IQGAP1: variants seen among roughly 807,000 people sequenced by gnomAD.
IQGAP1 encodes IQ motif containing GTPase activating protein 1, also known as ras GTPase-activating-like protein IQGAP1.
IQGAP1 carries 66 observed loss-of-function variants against 215.6 expected under a neutral mutation model. That is an observed-to-expected ratio of 0.31 (90% CI 0.25 to 0.38). The LOEUF (loss-of-function observed/expected upper bound fraction) is 0.38. Among genes scored for constraint, IQGAP1 ranks in the 10% least tolerant of loss-of-function variants. IQGAP1 has a pLI of 1.00. For synonymous variants in IQGAP1, 772 were observed against 728.7 expected, an observed-to-expected ratio of 1.06 and a Z score of -0.96; for missense variants, 1,712 against 1,997.1, an observed-to-expected ratio of 0.86 and a Z score of 2.72.
At chr15:90,428,195 C>T (rs945954920) in intron 3 of IQGAP1, among the ~76,000 whole-genome samples, 1 of 152,062 alleles carries the variant, frequency 6.6e-6, no homozygotes, top group African/African-American at 2.4e-5. Context: ...ACCTCAGCCT[C>T]CCTAGTAGTT....
intron 7 of IQGAP1, among the ~76,000 whole-genome samples, chr15:90,441,048 A>C (rs1037389972): frequency 1.4e-4 from 22 of 152,072 alleles, no homozygotes; most frequent in Non-Finnish European, 2.8e-4. Context: ...CAGAGGTTGC[A>C]GTGAGCCGAG....
At chr15:90,447,795 G>A (rs775886177) in intron 9 of IQGAP1, among the ~76,000 whole-genome samples, 3 of 151,800 alleles carry the variant, frequency 2.0e-5, no homozygotes, top group Non-Finnish European at 2.9e-5. Flanking sequence ...TTCCTATGAC[G>A]GAAGGTATCT....
At chr15:90,476,587 C>A in intron 23 of IQGAP1, 76 bp from the exon 24 acceptor site, 2 of 1,160,604 alleles carry the variant, frequency 1.7e-6, no homozygotes, top group South Asian at 1.7e-5. Context: ...TTTGCACATG[C>A]TGCAAAACCT....
At chr15:90,448,002 A>G (rs1965548470) in intron 9 of IQGAP1, among the ~76,000 whole-genome samples, 1 of 152,174 alleles carries the variant, frequency 6.6e-6, no homozygotes, top group Non-Finnish European at 1.5e-5. Context: ...TTCAGGAAGT[A>G]TCAGGGTAAT....
chr15:90,399,912 T>G (rs1449908946), intron 2 of IQGAP1, among the ~76,000 whole-genome samples: 1 of 152,230 alleles, frequency 6.6e-6, no homozygotes, highest in Non-Finnish European at 1.5e-5. Context: ...TGAACCATAT[T>G]TCATTTTTTT....
At chr15:90,449,419 C>T in intron 10 of IQGAP1, 140 bp from the exon 11 acceptor site, 2 of 641,160 alleles carry the variant, frequency 3.1e-6, no homozygotes, top group Non-Finnish European at 2.5e-6. Flanking sequence ...GGGCTGCCAC[C>T]TTGGCTGCAT....
At chr15:90,435,060 A>G (rs1965352532) in intron 5 of IQGAP1, among the ~76,000 whole-genome samples, 1 of 152,228 alleles carries the variant, frequency 6.6e-6, no homozygotes, top group African/African-American at 2.4e-5. Flanking sequence ...TATTGTCTCC[A>G]GTTTCTTGAG....
chr15:90,467,265 A>G (rs1965845142), intron 17 of IQGAP1, among the ~76,000 whole-genome samples, 185 bp from the exon 18 acceptor site: 1 of 152,208 alleles, frequency 6.6e-6, no homozygotes, highest in Non-Finnish European at 1.5e-5. Context: ...GAGCTAAATT[A>G]GTCATTACAA....
intron 4 of IQGAP1, 25 bp from the exon 5 acceptor site, chr15:90,433,694 C>T (rs769715264): frequency 1.5e-6 from 2 of 1,367,514 alleles, no homozygotes; most frequent in African/African-American, 1.4e-5. Context: ...GGATATCTTA[C>T]TCTGTTTCTT....
chr15:90,411,453 G>C (rs1042986579), intron 2 of IQGAP1, among the ~76,000 whole-genome samples: 2 of 151,970 alleles, frequency 1.3e-5, no homozygotes, highest in African/African-American at 4.8e-5. Flanking sequence ...GCAGTACTGT[G>C]TTCTTAATGT....
intron 8 of IQGAP1, 129 bp downstream of exon 8, chr15:90,441,813 A>G (rs1965454844): frequency 1.4e-6 from 1 of 713,684 alleles, no homozygotes; most frequent in Non-Finnish European, 2.3e-6. Flanking sequence ...TTTTAAATGT[A>G]CAGTTTGAGT....
At chr15:90,480,432 T>C (rs1224732661) in intron 26 of IQGAP1, among the ~76,000 whole-genome samples, 2 of 152,142 alleles carry the variant, frequency 1.3e-5, no homozygotes. Flanking sequence ...AAGTTAATGT[T>C]CTGTTCTATC....
At chr15:90,496,010 C>T (rs1596296160) in intron 36 of IQGAP1, among the ~76,000 whole-genome samples, 1 of 150,948 alleles carries the variant, frequency 6.6e-6, no homozygotes, top group East Asian at 1.9e-4. Context: ...ATTTGCCTTT[C>T]TGTCTTCTTT....
At chr15:90,432,646 A>G (rs1431225865) in intron 4 of IQGAP1, among the ~76,000 whole-genome samples, 1 of 152,212 alleles carries the variant, frequency 6.6e-6, no homozygotes, top group Non-Finnish European at 1.5e-5. Context: ...ACTGTCTCAC[A>G]AACACATCAT....
intron 2 of IQGAP1, among the ~76,000 whole-genome samples, chr15:90,409,251 T>A (rs1310724925): frequency 6.7e-6 from 1 of 150,264 alleles, no homozygotes; most frequent in Non-Finnish European, 1.5e-5. Context: ...TTTTTTTTTT[T>A]TTTTTAGATA....
intron 2 of IQGAP1, among the ~76,000 whole-genome samples, chr15:90,425,597 C>T (rs570675640): frequency 3.3e-4 from 51 of 152,278 alleles, no homozygotes; most frequent in Middle Eastern, 3.4e-3. Context: ...ATAGGAGTTT[C>T]TTTTAATATT....
chr15:90,448,467 G>A (rs1252337180), intron 9 of IQGAP1, 106 bp from the exon 10 acceptor site: 2 of 1,024,358 alleles, frequency 2.0e-6, no homozygotes, highest in African/African-American at 3.3e-5. Context: ...GGCTCTCTGA[G>A]TTATATTTCC....
chr15:90,439,896 T>A (rs1965424744), intron 6 of IQGAP1, among the ~76,000 whole-genome samples: 1 of 151,938 alleles, frequency 6.6e-6, no homozygotes, highest in African/African-American at 2.4e-5. Context: ...AGATGAGGGG[T>A]TGGGGAGAAA....
chr15:90,403,708 C>T lies in IQGAP1; in HGVS notation c.155+12835C>T, dbSNP rs140762386. Among the ~76,000 whole-genome samples, 654 of 152,304 alleles carry T rather than the reference C, an allele frequency of 4.3e-3. 3 individuals are homozygous for T. Among genetic ancestry groups the T allele is most frequent in the Middle Eastern group, 0.02 (6 of 294 alleles). ...TTGTTTTTTGAGATGGAGTCTTGCT[C>T]TGTTGCCCAGGCTGGAGTGCAGTGG... On this transcript the variant is annotated intron_variant, in intron 2 of 37. Transcript: ENST00000268182.
Sources: gnomAD v4.1 joint callset for allele counts (sites outside exome capture counted in the v4.1 genomes callset) on GRCh38, gnomAD v4.1.1 for gene constraint, MANE v1.5 for transcripts, NCBI Gene and HGNC (gene_info 2026-07-23, HGNC 2026-07-21) for gene names.